The following KHDRBS2 variants were observed in gnomAD, a reference collection of about 807,000 sequenced individuals.
The protein encoded by KHDRBS2 is KH domain-containing, RNA-binding, signal transduction-associated protein 2.
Under a neutral mutation model 44.3 loss-of-function variants are expected in KHDRBS2, and 26 were observed. That is an observed-to-expected ratio of 0.59 (90% CI 0.43 to 0.81). The LOEUF is 0.81. Among genes scored for constraint, KHDRBS2 ranks in the 40% least tolerant of loss-of-function variants. The pLI is 0.00. For synonymous variants in KHDRBS2, 194 were observed against 151.1 expected (o/e 1.28, Z -2.08); for missense variants, 476 against 433.1 (o/e 1.10, Z -0.88).
intron 4 of KHDRBS2, among the ~76,000 whole-genome samples, chr6:61,970,333 C>CA (rs1771086286): frequency 6.6e-6 from 1 of 151,864 alleles, no homozygotes; most frequent in Non-Finnish European, 1.5e-5. Context: ...TTTTCAGACT[C>CA]TTTCAAATGC....
intron 6 of KHDRBS2, among the ~76,000 whole-genome samples, chr6:61,848,497 A>ACG (rs1794806734): frequency 3.4e-5 from 2 of 59,254 alleles, no homozygotes; most frequent in African/African-American, 1.9e-4. Flanking sequence ...ATATGTATAT[A>ACG]TATATATATA....
At chr6:62,056,520 G>A (rs989633913) in intron 2 of KHDRBS2, among the ~76,000 whole-genome samples, 5 of 151,908 alleles carry the variant, frequency 3.3e-5, no homozygotes. Flanking sequence ...TGATATTTTA[G>A]ACTTTGGTTT....
intron 6 of KHDRBS2, among the ~76,000 whole-genome samples, chr6:61,889,726 T>C (rs1200226046): frequency 6.6e-6 from 1 of 152,134 alleles, no homozygotes; most frequent in East Asian, 1.9e-4. Flanking sequence ...AATCTAATCA[T>C]GCCACTTTCC....
chr6:62,154,174 G>T (rs1815861309), intron 2 of KHDRBS2, among the ~76,000 whole-genome samples: 1 of 152,162 alleles, frequency 6.6e-6, no homozygotes, highest in Non-Finnish European at 1.5e-5. Context: ...ATTGGAAAAA[G>T]CAAGTGTCAG....
At chr6:61,865,109 C>T (rs1167844246) in intron 6 of KHDRBS2, among the ~76,000 whole-genome samples, 14 of 152,136 alleles carry the variant, frequency 9.2e-5, no homozygotes, top group East Asian at 3.9e-4. Flanking sequence ...GTGTGTTTTT[C>T]GGCTCTGTCA....
At chr6:62,106,922 A>T (rs1803520448) in intron 2 of KHDRBS2, among the ~76,000 whole-genome samples, 1 of 151,924 alleles carries the variant, frequency 6.6e-6, no homozygotes, top group African/African-American at 2.4e-5. Context: ...TCAATAAATT[A>T]GGTATTGATG....
At chr6:62,123,869 T>C (rs1192372433) in intron 2 of KHDRBS2, among the ~76,000 whole-genome samples, 3 of 152,236 alleles carry the variant, frequency 2.0e-5, no homozygotes, top group African/African-American at 7.2e-5. Flanking sequence ...TTGACACATT[T>C]GCATTTATCA....
At chr6:61,580,713 C>T in the KHDRBS2 span, among the ~76,000 whole-genome samples, 3 of 152,092 alleles carry the variant, frequency 2.0e-5, no homozygotes, top group South Asian at 2.1e-4. Context: ...CTGTTAAGAG[C>T]TGTAACACTC....
chr6:61,718,025 AT>A (rs1192872230), intron 7 of KHDRBS2, among the ~76,000 whole-genome samples: 1 of 152,004 alleles, frequency 6.6e-6, no homozygotes, highest in African/African-American at 2.4e-5. Flanking sequence ...ATCACTTAAC[AT>A]TTCTAAAATT....
the KHDRBS2 span, among the ~76,000 whole-genome samples, chr6:61,650,298 T>G: frequency 6.6e-6 from 1 of 152,136 alleles, no homozygotes; most frequent in African/African-American, 2.4e-5. Flanking sequence ...ATGATTTCAG[T>G]TTGTAACTTA....
intron 4 of KHDRBS2, among the ~76,000 whole-genome samples, chr6:61,937,316 T>C (rs565077401): frequency 1.3e-5 from 2 of 152,176 alleles, no homozygotes; most frequent in South Asian, 2.1e-4. Flanking sequence ...GCAAATCTTA[T>C]TTCTTCTTTC....
intron 2 of KHDRBS2, among the ~76,000 whole-genome samples, chr6:62,097,559 C>T (rs1800895544): frequency 6.6e-6 from 1 of 151,872 alleles, no homozygotes; most frequent in South Asian, 2.1e-4. Context: ...AGCTCTTTTT[C>T]AGTTTCCATT....
chr6:61,791,172 G>C (rs1289690508), intron 6 of KHDRBS2, among the ~76,000 whole-genome samples: 1 of 150,992 alleles, frequency 6.6e-6, no homozygotes, highest in African/African-American at 2.4e-5. Context: ...GAAATTTATT[G>C]CCATTATTTA....
intron 6 of KHDRBS2, among the ~76,000 whole-genome samples, chr6:61,887,788 G>C (rs1375606302): frequency 6.6e-6 from 1 of 152,092 alleles, no homozygotes; most frequent in Non-Finnish European, 1.5e-5. Context: ...CTATTATTTT[G>C]TTATTGAAAC....
At chr6:62,253,134 T>G (rs754706554) in intron 1 of KHDRBS2, among the ~76,000 whole-genome samples, 5 of 152,034 alleles carry the variant, frequency 3.3e-5, no homozygotes, top group Non-Finnish European at 5.9e-5. Context: ...TAATTATTGT[T>G]TGTTTAACCT....
At chr6:61,630,660 A>G in the KHDRBS2 span, among the ~76,000 whole-genome samples, 1 of 152,204 alleles carries the variant, frequency 6.6e-6, no homozygotes, top group Non-Finnish European at 1.5e-5. Context: ...CTACCAAAAA[A>G]GTGAGGTTTC....
chr6:62,087,388 T>C, intron 2 of KHDRBS2, among the ~76,000 whole-genome samples: 1 of 151,180 alleles, frequency 6.6e-6, no homozygotes, highest in East Asian at 1.9e-4. Flanking sequence ...AGGCAAAGAT[T>C]AGAAATAAAA....
At chr6:61,698,487 A>G (rs1285718976) in intron 7 of KHDRBS2, among the ~76,000 whole-genome samples, 1 of 152,134 alleles carries the variant, frequency 6.6e-6, no homozygotes, top group Non-Finnish European at 1.5e-5. Context: ...TCTCTCATTT[A>G]AATGAGTATG....
At chr6:62,245,978 A>T (rs1475566830) in intron 1 of KHDRBS2, among the ~76,000 whole-genome samples, 3 of 151,748 alleles carry the variant, frequency 2.0e-5, no homozygotes, top group Admixed American at 1.3e-4. Flanking sequence ...GGGCTGTGGT[A>T]CCCTGGGCCA....
Sources: gnomAD v4.1 joint callset for allele counts (sites outside exome capture counted in the v4.1 genomes callset) on GRCh38, gnomAD v4.1.1 for gene constraint, MANE v1.5 for transcripts, NCBI Gene and HGNC (gene_info 2026-07-23, HGNC 2026-07-21) for gene names.